ANKRD44: variants seen among roughly 807,000 people sequenced by gnomAD.
The protein encoded by ANKRD44 is serine/threonine-protein phosphatase 6 regulatory ankyrin repeat subunit B.
ANKRD44 carries 35 observed loss-of-function variants against 116.0 expected under a neutral mutation model. The ratio of observed to expected loss-of-function variants is 0.30; its 90% CI spans 0.23 to 0.40. The LOEUF (loss-of-function observed/expected upper bound fraction) is 0.40. ANKRD44 is among the 10% of genes least tolerant of loss of function. ANKRD44 has a pLI of 1.00. For synonymous variants in ANKRD44, 435 were observed against 461.8 expected (o/e 0.94, Z 0.74); for missense variants, 1,014 against 1,242.6 (o/e 0.82, Z 2.77).
intron 9 of ANKRD44, among the ~76,000 whole-genome samples, chr2:197,104,559 C>G (rs1414620948): frequency 1.3e-5 from 2 of 152,172 alleles, no homozygotes; most frequent in Admixed American, 6.5e-5. Context: ...CAAAAAGAAG[C>G]CATTGAGAGT....
Position 197,175,981 on chromosome 2 carries a change from C to T in ANKRD44, c.111+11042G>A, listed in dbSNP as rs1335111577. On this transcript the variant is annotated intron_variant, in intron 2 of 27. Coordinates refer to ENST00000282272, the MANE Select transcript of ANKRD44 (RefSeq NM_001195144.2). ...AATGCAGTTCCGGACAATATATAAG[C>T]AATTGTGTCCTTAGTGGAAGTGTCC... Among the ~76,000 whole-genome samples the T allele has an allele frequency of 2.6e-5, 4 of 152,104 alleles. No homozygotes were observed. The East Asian group carries it at 7.7e-4, about 29-fold the overall frequency.
chr2:197,001,761 G>A lies in ANKRD44; in HGVS notation c.2427C>T (p.His809=), dbSNP rs908127757. The part of the protein sequence containing the change: ...KFIGNPFTPL[H]CAIINDHGNC... ...TCAGCGTTTCTACTTACATTGCACA[G>A]TGCAGTGGAGTAAAGGGATTACCGA... The change falls in exon 22 of 28, where the codon CAC becomes CAT. Residue 809 remains histidine (H), a synonymous_variant. Coordinates refer to ENST00000282272, the MANE Select transcript of ANKRD44 (RefSeq NM_001195144.2). 8 of 1,611,040 alleles carry A rather than the reference G, an allele frequency of 5.0e-6. No homozygotes were observed. In the African/African-American group the frequency reaches 8.0e-5, roughly 16 times the overall value.
chr2:197,125,803 G>A (rs6434907), intron 5 of ANKRD44, 34 bp downstream of exon 5: 67,673 of 1,604,428 alleles, frequency 0.042, 5,961 homozygotes, highest in African/African-American at 0.37. Context: ...GTCCTGGAGG[G>A]AGCGTTCCAA....
At chr2:197,171,694 C>G (rs1465836108) in intron 2 of ANKRD44, among the ~76,000 whole-genome samples, 1 of 152,038 alleles carries the variant, frequency 6.6e-6, no homozygotes, top group African/African-American at 2.4e-5. Flanking sequence ...TTTGGGTGAT[C>G]GTCAAGTGTC....
chr2:197,264,508 C>G (rs111335596), intron 1 of ANKRD44, among the ~76,000 whole-genome samples: 1 of 152,170 alleles, frequency 6.6e-6, no homozygotes, highest in African/African-American at 2.4e-5. Flanking sequence ...ATAGCATCAA[C>G]GTTTTTGAGT....
intron 3 of ANKRD44, among the ~76,000 whole-genome samples, chr2:197,138,883 A>G (rs1347416463): frequency 1.3e-5 from 2 of 152,218 alleles, no homozygotes; most frequent in African/African-American, 4.8e-5. Flanking sequence ...TGTAAATTCA[A>G]AAAATGAATG....
At chr2:197,090,295 A>C (rs552641338) in intron 10 of ANKRD44, among the ~76,000 whole-genome samples, 1 of 152,330 alleles carries the variant, frequency 6.6e-6, no homozygotes, top group South Asian at 2.1e-4. Context: ...TGTTTCACAT[A>C]AAGCATGACT....
Position 197,078,799 on chromosome 2 carries a change from C to A in ANKRD44, c.1554G>T (p.Leu518=). The A allele has an allele frequency of 1.2e-6, 2 of 1,612,840 alleles. No individual in the cohort carries two copies. The highest frequency in any genetic ancestry group is 1.7e-6 in the Non-Finnish European group (2 of 1,179,196). Residue 518 remains leucine, a synonymous_variant, in exon 16 of 28, where the codon CTG becomes CTT. Coordinates refer to ENST00000282272, the MANE Select transcript of ANKRD44 (RefSeq NM_001195144.2). ...TAGATGGATTTGCATCATTTTGAAG[C>A]AGAAACTCTAGACATCTGTAAGTAT... ...EKEATLCLEF[L]LQNDANPSIR...
intron 17 of ANKRD44, among the ~76,000 whole-genome samples, chr2:197,022,294 A>G (rs998193775): frequency 6.6e-6 from 1 of 152,254 alleles, no homozygotes; most frequent in African/African-American, 2.4e-5. Context: ...CACCCTGGTC[A>G]AAGTCATGGT....
intron 3 of ANKRD44, 140 bp downstream of exon 3, chr2:197,146,887 A>T: frequency 3.5e-6 from 2 of 572,662 alleles, no homozygotes; most frequent in Non-Finnish European, 6.1e-6. Context: ...TTCTTTGTGT[A>T]ATGATAAAAT....
At chr2:197,118,379 G>C (rs2078762110) in intron 8 of ANKRD44, among the ~76,000 whole-genome samples, 1 of 151,760 alleles carries the variant, frequency 6.6e-6, no homozygotes, top group South Asian at 2.1e-4. Context: ...CTTGAGCTCA[G>C]GAGTTAAGAG....
rs1034161300 is a variant in ANKRD44, at chr2:197,203,674, T to C, written c.28-16568A>G. On this transcript the variant is annotated intron_variant, in intron 1 of 27. Coordinates refer to ENST00000282272, the MANE Select transcript of ANKRD44 (RefSeq NM_001195144.2). The surrounding 1 kb of genome is among the most constrained non-coding windows in gnomAD (Gnocchi z 4.1). ...TACCTAAATGTCCACAGCAGTACTA[T>C]TCACAACAGTCAAAAGGTAGAAACA... Among the ~76,000 whole-genome samples the C allele has an allele frequency of 1.3e-5, 2 of 152,202 alleles. No individual in the cohort carries two copies. Among genetic ancestry groups the C allele is most frequent in the African/African-American group, 4.8e-5 (2 of 41,450 alleles).
intron 1 of ANKRD44, among the ~76,000 whole-genome samples, chr2:197,272,233 ATTTTGTTTTTGT>A (rs900794317): frequency 2.0e-5 from 3 of 151,810 alleles, no homozygotes; most frequent in African/African-American, 7.3e-5. Flanking sequence ...TTTGTTTGGT[ATTTTGTTTTTGT>A]TTTTGTTTTT....
At chr2:197,137,323 G>T (rs2079242730) in intron 3 of ANKRD44, among the ~76,000 whole-genome samples, 1 of 152,176 alleles carries the variant, frequency 6.6e-6, no homozygotes, top group Non-Finnish European at 1.5e-5. Flanking sequence ...GCCTTAGGAT[G>T]ATGAGGAAGG....
chr2:197,021,465 GT>G (rs1338554477), intron 17 of ANKRD44, among the ~76,000 whole-genome samples: 2 of 152,186 alleles, frequency 1.3e-5, no homozygotes, highest in African/African-American at 4.8e-5. Context: ...AGCACCTGCT[GT>G]TTCCTGACTT....
chr2:197,245,094 T>C (rs2082162920), intron 1 of ANKRD44, among the ~76,000 whole-genome samples: 1 of 152,178 alleles, frequency 6.6e-6, no homozygotes, highest in South Asian at 2.1e-4. Context: ...GACCCATCTC[T>C]ACTAAAAATA....
intron 2 of ANKRD44, among the ~76,000 whole-genome samples, chr2:197,147,370 T>A (rs1411719003): frequency 6.6e-6 from 1 of 150,460 alleles, no homozygotes; most frequent in Non-Finnish European, 1.5e-5. Flanking sequence ...CATAGATGGA[T>A]CATTATGCCC....
At position 197,005,749 on chromosome 2, in the gene ANKRD44, GTCC is replaced by G. The variant is rs1349756744; in HGVS notation, c.2289_2291del (p.Glu763del). On this transcript the variant is annotated inframe_deletion, in exon 21 of 28. Coordinates refer to ENST00000282272, the MANE Select transcript of ANKRD44 (RefSeq NM_001195144.2). ...AGCCTTGGTTATCTTTGAAACAACA[GTCC>G]TCCTCAGAAAGAGCCATTTGGAGCA... is the stretch of plus-strand genomic sequence containing the variant. The G allele has an allele frequency of 6.2e-7, 1 of 1,614,136 alleles. No homozygotes were observed. Among genetic ancestry groups the G allele is most frequent in the Middle Eastern group, 1.7e-4 (1 of 6,060 alleles).
At chr2:197,132,806 A>C (rs975420826) in intron 4 of ANKRD44, among the ~76,000 whole-genome samples, 3 of 152,188 alleles carry the variant, frequency 2.0e-5, no homozygotes, top group Non-Finnish European at 2.9e-5. Flanking sequence ...CAAAAAAAAA[A>C]CAATTCTTTT....
Sources: allele counts gnomAD v4.1 joint callset (sites outside exome capture counted in the v4.1 genomes callset), GRCh38; gene constraint gnomAD v4.1.1; non-coding constraint Gnocchi (gnomAD v3.1); transcripts MANE v1.5; gene names NCBI Gene and HGNC (gene_info 2026-07-23, HGNC 2026-07-21).